PDE4D: variants seen among roughly 807,000 people sequenced by gnomAD.
PDE4D encodes 3',5'-cyclic-AMP phosphodiesterase 4D.
Under a neutral mutation model 87.4 loss-of-function variants are expected in PDE4D, and 24 were observed. The observed-to-expected ratio is 0.27, with a 90% confidence interval of 0.20 to 0.39. The LOEUF (loss-of-function observed/expected upper bound fraction) is 0.39. PDE4D is among the 10% of genes least tolerant of loss of function. The pLI, the probability that PDE4D is intolerant of heterozygous loss-of-function variation, is 1.00. For missense variants in PDE4D, 714 were observed against 1,041.0 expected (o/e 0.69, Z 4.32); for synonymous variants, 384 against 383.2 (o/e 1.00, Z -0.02).
At chr5:59,495,295 G>T (rs1254507357) in intron 1 of PDE4D, among the ~76,000 whole-genome samples, 1 of 152,078 alleles carries the variant, frequency 6.6e-6, no homozygotes, top group African/African-American at 2.4e-5. Context: ...CTTCAACAAG[G>T]TTTTTTCTTT....
chr5:59,823,165 G>T (rs1169624810), intron 1 of PDE4D, among the ~76,000 whole-genome samples: 1 of 152,006 alleles, frequency 6.6e-6, no homozygotes, highest in Non-Finnish European at 1.5e-5. Context: ...AGGTCCTAGG[G>T]GTTCTTGGAG....
chr5:59,102,813 G>C (rs1225808328), intron 5 of PDE4D, among the ~76,000 whole-genome samples: 2 of 152,150 alleles, frequency 1.3e-5, no homozygotes, highest in African/African-American at 2.4e-5. Context: ...CAAGGGCATG[G>C]GTTTGAGAAC....
At chr5:59,685,752 CAG>C (rs1165021601) in intron 1 of PDE4D, among the ~76,000 whole-genome samples, 1 of 151,206 alleles carries the variant, frequency 6.6e-6, no homozygotes, top group Non-Finnish European at 1.5e-5. Flanking sequence ...AGATTTGAAA[CAG>C]AGATGGAAAG....
intron 1 of PDE4D, among the ~76,000 whole-genome samples, chr5:60,301,583 T>G (rs1753897685): frequency 6.6e-6 from 1 of 152,208 alleles, no homozygotes; most frequent in Non-Finnish European, 1.5e-5. Flanking sequence ...TGAAGTTGCT[T>G]ATCAGATTAA....
chr5:60,078,091 G>A (rs922366867), intron 2 of PDE4D, among the ~76,000 whole-genome samples: 7 of 152,072 alleles, frequency 4.6e-5, no homozygotes, highest in East Asian at 1.9e-4. Flanking sequence ...GCATCTAGTC[G>A]ACCATCTTGC....
intron 1 of PDE4D, among the ~76,000 whole-genome samples, chr5:59,373,849 A>G (rs1419877180): frequency 6.6e-6 from 1 of 152,218 alleles, no homozygotes; most frequent in Admixed American, 6.5e-5. Flanking sequence ...AAACTCTACA[A>G]GCCAGAAAAG....
At chr5:60,440,651 T>C (rs1745132972) in intron 1 of PDE4D, among the ~76,000 whole-genome samples, 1 of 152,130 alleles carries the variant, frequency 6.6e-6, no homozygotes, top group Admixed American at 6.5e-5. Context: ...TATTGAAAAA[T>C]GCACAATGTG....
intron 1 of PDE4D, among the ~76,000 whole-genome samples, chr5:59,510,779 T>A (rs1810160602): frequency 6.6e-6 from 1 of 152,044 alleles, no homozygotes; most frequent in East Asian, 1.9e-4. Flanking sequence ...GTGAAAACTC[T>A]TTAGTTAAGT....
intron 1 of PDE4D, among the ~76,000 whole-genome samples, chr5:59,753,253 T>C (rs896800154): frequency 1.3e-5 from 2 of 151,928 alleles, no homozygotes; most frequent in Non-Finnish European, 2.9e-5. Flanking sequence ...CAAACACAAA[T>C]CTAAGTATTA....
At chr5:59,228,901 C>T (rs968941614) in intron 1 of PDE4D, among the ~76,000 whole-genome samples, 1 of 152,078 alleles carries the variant, frequency 6.6e-6, no homozygotes, top group African/African-American at 2.4e-5. Context: ...TTCTCTTTGC[C>T]TGGCATATTC....
intron 1 of PDE4D, among the ~76,000 whole-genome samples, chr5:59,653,484 A>C (rs1397231430): frequency 6.6e-6 from 1 of 152,196 alleles, no homozygotes; most frequent in East Asian, 1.9e-4. Flanking sequence ...CTAAGAGATC[A>C]TTTGAATCCA....
At chr5:59,366,794 ACT>A (rs373309719) in intron 1 of PDE4D, among the ~76,000 whole-genome samples, 8 of 152,246 alleles carry the variant, frequency 5.3e-5, no homozygotes, top group South Asian at 4.1e-4. Flanking sequence ...AACTTCAATA[ACT>A]CTATTTTTAA....
intron 2 of PDE4D, among the ~76,000 whole-genome samples, chr5:59,197,898 C>T (rs1305881868): frequency 6.6e-6 from 1 of 152,142 alleles, no homozygotes; most frequent in Non-Finnish European, 1.5e-5. Context: ...AGCGCCTTGC[C>T]ACGTAAAGTG....
chr5:59,639,938 T>A (rs1418990638), intron 1 of PDE4D, among the ~76,000 whole-genome samples: 1 of 142,644 alleles, frequency 7.0e-6, no homozygotes, highest in Non-Finnish European at 1.5e-5. Flanking sequence ...TAACAGTTCT[T>A]TTTTTTTTTT....
chr5:59,517,460 G>A (rs965625943), intron 1 of PDE4D, among the ~76,000 whole-genome samples: 1 of 152,090 alleles, frequency 6.6e-6, no homozygotes, highest in Non-Finnish European at 1.5e-5. Context: ...TCTAGGATTC[G>A]TTTGTCACAG....
In PDE4D at chr5:59,183,878, C is replaced by T. The variant is rs766989777; in HGVS notation, c.758+1311G>A. On this transcript the variant is annotated intron_variant, in intron 4 of 14. Transcript: ENST00000340635. ...AGGCACAGGGAATACAAATGTGAACCGACTACATTCCTACTCACTGGGAAC... is the reference window on the plus strand; with the variant it reads ...AGGCACAGGGAATACAAATGTGAACTGACTACATTCCTACTCACTGGGAAC... Among the ~76,000 whole-genome samples the T allele has an allele frequency of 6.6e-5, 10 of 152,228 alleles. No homozygotes were observed. In the South Asian group the frequency reaches 8.3e-4, roughly 13 times the overall value.
chr5:59,138,255 G>C lies in PDE4D; in HGVS notation c.808+42340C>G, dbSNP rs111363875. On this transcript the variant is annotated intron_variant, in intron 5 of 14. Transcript: ENST00000340635. The stretch of plus-strand genomic sequence containing the variant: ...CACAGTAACCATTTACTGAAGGAAA[G>C]CCAAAGCCATTTTAGCTTGATTACA... Among the ~76,000 whole-genome samples the C allele has an allele frequency of 2.9e-3, 436 of 152,292 alleles. 2 individuals carry two copies. Among genetic ancestry groups the C allele is most frequent in the African/African-American group, 1.0e-2 (415 of 41,566 alleles).
At chr5:59,010,960 G>A (rs1024386925) in intron 6 of PDE4D, among the ~76,000 whole-genome samples, 2 of 152,246 alleles carry the variant, frequency 1.3e-5, no homozygotes, top group South Asian at 4.1e-4. Context: ...GGAAGGATCA[G>A]GTAGCTACAT....
chr5:59,759,032 A>C (rs1435298828), intron 1 of PDE4D, among the ~76,000 whole-genome samples: 1 of 152,154 alleles, frequency 6.6e-6, no homozygotes, highest in East Asian at 1.9e-4. Flanking sequence ...GCAGCTTTAA[A>C]AACATGATTT....
Sources: allele counts gnomAD v4.1 joint callset (sites outside exome capture counted in the v4.1 genomes callset), GRCh38; gene constraint gnomAD v4.1.1; transcripts MANE v1.5; gene names NCBI Gene and HGNC (gene_info 2026-07-23, HGNC 2026-07-21).